The following TMEM248 variants were observed in gnomAD, a reference collection of about 807,000 sequenced individuals.
TMEM248 encodes the protein UPF0458 protein C7orf42.
A neutral mutation model predicts 30.3 loss-of-function variants in TMEM248; 9 were observed. The observed-to-expected ratio is 0.30, with a 90% CI of 0.18 to 0.52. The LOEUF (loss-of-function observed/expected upper bound fraction) is 0.52. Among genes scored for constraint, TMEM248 ranks in the 20% least tolerant of loss-of-function variants. The pLI is 0.97. For missense variants in TMEM248, 338 were observed against 403.3 expected (o/e 0.84, Z 1.39); for synonymous variants, 184 against 154.4 (o/e 1.19, Z -1.42).
rs1272102510 is a variant in TMEM248, at chr7:66,955,738, G to T, written c.*216G>T. 7 of 568,794 alleles carry T rather than the reference G, an allele frequency of 1.2e-5. No individual in the cohort carries two copies. The highest frequency in any genetic ancestry group is 2.1e-5 in the Non-Finnish European group (7 of 337,358). The allele number at this position is 568,794 out of a possible 1,614,324, so 35.2% of individuals were successfully genotyped here. On this transcript the variant is annotated 3_prime_UTR_variant, in exon 7 of 7. Transcript: ENST00000341567. ...ATGCACGTGCTTTGCCCTGGGTACA[G>T]CCAGAGCCCTTCAACCCCACCTTGG...
intron 1 of TMEM248, among the ~76,000 whole-genome samples, chr7:66,928,884 T>G (rs1233269992): frequency 1.3e-5 from 2 of 152,090 alleles, no homozygotes; most frequent in African/African-American, 4.8e-5. Context: ...AACTCCTGGG[T>G]TCCGGTGATC....
intron 1 of TMEM248, among the ~76,000 whole-genome samples, chr7:66,936,688 A>T (rs1584403078): frequency 6.6e-6 from 1 of 152,086 alleles, no homozygotes; most frequent in Non-Finnish European, 1.5e-5. Flanking sequence ...AGGTCTTGGT[A>T]GGTTGTGTGT....
At position 66,945,107 on chromosome 7, in the gene TMEM248, C is replaced by T. The variant is rs1219707552; in HGVS notation, c.291C>T (p.Ser97=). The change falls in exon 3 of 7, where the codon TCC becomes TCT. Residue 97 remains serine, a synonymous_variant. Coordinates refer to ENST00000341567, the MANE Select transcript of TMEM248 (RefSeq NM_017994.5). Reference sequence around the variant, plus strand: ...TGACCAGCGGGCAGGCCCGAGCTTCCACCCAGTCCCCCCAGGCCCTGGAGG... The same window carrying T: ...TGACCAGCGGGCAGGCCCGAGCTTCTACCCAGTCCCCCCAGGCCCTGGAGG... The part of the protein sequence containing the change: ...STMTSGQARA[S]TQSPQALEDS... 10 of 1,614,130 alleles carry T rather than the reference C, an allele frequency of 6.2e-6. No homozygotes were observed. The South Asian group carries it at 8.8e-5, about 14-fold the overall frequency.
intron 1 of TMEM248, among the ~76,000 whole-genome samples, chr7:66,930,422 G>A (rs568095260): frequency 6.6e-6 from 1 of 152,270 alleles, no homozygotes; most frequent in African/African-American, 2.4e-5. Context: ...AGAAGGAAGG[G>A]GTGGCCAGAT....
At chr7:66,950,234 G>A (rs886159200) in intron 4 of TMEM248, among the ~76,000 whole-genome samples, 9 of 151,396 alleles carry the variant, frequency 5.9e-5, no homozygotes, top group African/African-American at 2.2e-4. Flanking sequence ...AAAAAAAGAT[G>A]ATATAGTTTG....
At chr7:66,936,428 T>C (rs1302742137) in intron 1 of TMEM248, among the ~76,000 whole-genome samples, 1 of 152,226 alleles carries the variant, frequency 6.6e-6, no homozygotes. Flanking sequence ...TGATGAATGA[T>C]CTTTTTAATG....
intron 2 of TMEM248, among the ~76,000 whole-genome samples, chr7:66,942,876 G>T (rs1487099727): frequency 6.7e-6 from 1 of 149,292 alleles, no homozygotes; most frequent in Admixed American, 6.8e-5. Flanking sequence ...GTGGGTGGAG[G>T]TGGGGGTGGG....
chr7:66,930,563 C>T (rs977986228), intron 1 of TMEM248: 1 of 152,222 alleles, frequency 6.6e-6, no homozygotes, highest in Non-Finnish European at 1.5e-5. Context: ...TACTGGAGAC[C>T]TTGAAGTTCT....
At chr7:66,931,792 CTTTTTTTTTTTTTTTTTT>C (rs1156882038) in intron 1 of TMEM248, among the ~76,000 whole-genome samples, 1 of 88,434 alleles carries the variant, frequency 1.1e-5, no homozygotes, top group Non-Finnish European at 2.1e-5. Context: ...GGCCTTCCTC[CTTTTTTTTTTTTTTTTTT>C]TTTTTTTTTT....
At chr7:66,943,161 C>T (rs1792008422) in intron 2 of TMEM248, among the ~76,000 whole-genome samples, 1 of 152,066 alleles carries the variant, frequency 6.6e-6, no homozygotes, top group Non-Finnish European at 1.5e-5. Context: ...TCTGACCCTG[C>T]CTCAATCTTT....
At chr7:66,946,469 A>G (rs1157062134) in intron 3 of TMEM248, among the ~76,000 whole-genome samples, 1 of 151,256 alleles carries the variant, frequency 6.6e-6, no homozygotes, top group Non-Finnish European at 1.5e-5. Context: ...GATCCCAGCC[A>G]CTCTGGAGGC....
At chr7:66,931,341 T>C (rs1177667208) in intron 1 of TMEM248, among the ~76,000 whole-genome samples, 1 of 132,626 alleles carries the variant, frequency 7.5e-6, no homozygotes, top group Non-Finnish European at 1.7e-5. Flanking sequence ...AAAACTACAA[T>C]AAAGTTAGTT....
rs1206358820 is a variant in TMEM248 at position 66,957,809 on chromosome 7, A to T, written c.*2287A>T. 1.3e-5 allele frequency: 2 copies of T among 152,202 alleles called. No homozygotes were observed. The highest frequency in any genetic ancestry group is 2.9e-5 in the Non-Finnish European group (2 of 68,044). 9.4% of individuals were successfully genotyped at this position (152,202 alleles called of 1,614,324 possible). The stretch of plus-strand genomic sequence containing the variant: ...GGGGCAACACTGTTAGATGTGAGGA[A>T]AGGAAGTGCCAAAAATGCCTGGACA... On this transcript the variant is annotated 3_prime_UTR_variant, in exon 7 of 7. Transcript: ENST00000341567.
Position 66,950,997 on chromosome 7 carries a change from C to G in TMEM248, c.642C>G (p.Leu214=), listed in dbSNP as rs770796018. Residue 214 remains leucine, a synonymous_variant, in exon 5 of 7, where the codon CTC becomes CTG. Coordinates refer to ENST00000341567, the MANE Select transcript of TMEM248 (RefSeq NM_017994.5). ...CTGACACGTACAGCAACGCCACGCT[C>G]TGGTACAAGATCTTCACAACTGCCA... The part of the protein sequence containing the change: ...CVPDTYSNAT[L]WYKIFTTARD... 66 of 1,610,930 alleles carry G rather than the reference C, an allele frequency of 4.1e-5. No homozygotes were observed. Among genetic ancestry groups the G allele is most frequent in the Non-Finnish European group, 5.5e-5 (65 of 1,179,072 alleles).
In TMEM248 at chr7:66,933,721, C is replaced by G. The variant is rs765155967; in HGVS notation, c.-18-8127C>G. Among the ~76,000 whole-genome samples the G allele has an allele frequency of 1.2e-4, 18 of 152,292 alleles. No homozygotes were observed. In the South Asian group the frequency reaches 1.9e-3, roughly 16 times the overall value. On this transcript the variant is annotated intron_variant, in intron 1 of 6. Coordinates refer to ENST00000341567, the MANE Select transcript of TMEM248 (RefSeq NM_017994.5). ...TGCCGTCTGATGTTTAGCGTCTTCA[C>G]TGAGTTAGTCTCAGAGATCTAAGGT... is the stretch of plus-strand genomic sequence containing the variant.
Position 66,955,490 on chromosome 7 carries a change from G to C in TMEM248, c.925-12G>C. On this transcript the variant is annotated splice_polypyrimidine_tract_variant and intron_variant, in intron 6 of 6. Transcript: ENST00000341567. Reference sequence around the variant, plus strand: ...CTTTTTTGACTGGTTTCCCTGGCTTGCTGTCTTCCAGGTGGCTTTGGCTGA... The same window carrying C: ...CTTTTTTGACTGGTTTCCCTGGCTTCCTGTCTTCCAGGTGGCTTTGGCTGA... 1 of 1,614,070 alleles carries C rather than the reference G, an allele frequency of 6.2e-7. No individual in the cohort carries two copies. Among genetic ancestry groups the C allele is most frequent in the Non-Finnish European group, 8.5e-7 (1 of 1,179,998 alleles).
intron 6 of TMEM248, among the ~76,000 whole-genome samples, chr7:66,954,155 G>T (rs139915939): frequency 0.015 from 2,270 of 150,602 alleles, 61 homozygotes; most frequent in East Asian, 0.091. Context: ...TGTTGTCCAG[G>T]CTAGTCTCGA....
At chr7:66,949,658 T>A (rs1792209674) in intron 4 of TMEM248, among the ~76,000 whole-genome samples, 1 of 152,232 alleles carries the variant, frequency 6.6e-6, no homozygotes, top group Non-Finnish European at 1.5e-5. Context: ...ATTAAACAGT[T>A]ACTTTAATTT....
At chr7:66,951,590 A>G (rs1344885529) in intron 5 of TMEM248, among the ~76,000 whole-genome samples, 1 of 151,632 alleles carries the variant, frequency 6.6e-6, no homozygotes, top group Non-Finnish European at 1.5e-5. Context: ...AATAGGATTT[A>G]ACTTAACCAA....
Sources: allele counts gnomAD v4.1 joint callset (sites outside exome capture counted in the v4.1 genomes callset), GRCh38; gene constraint gnomAD v4.1.1; transcripts MANE v1.5; gene names NCBI Gene and HGNC (gene_info 2026-07-23, HGNC 2026-07-21).